TEX36: variants seen among roughly 807,000 people sequenced by gnomAD.
TEX36 encodes the protein testis-expressed protein 36.
TEX36 carries 12 observed loss-of-function variants against 13.6 expected under a neutral mutation model. The observed-to-expected ratio is 0.88, with a 90% CI of 0.56 to 1.43. TEX36 has a LOEUF of 1.43. Ranked by LOEUF, TEX36 falls within the 40% of genes most tolerant of loss-of-function variation. The probability of loss-of-function intolerance (pLI) is 0.00; values close to 1 mark genes in which losing one functional copy is unlikely to be tolerated. For synonymous variants in TEX36, 93 were observed against 83.0 expected, an observed-to-expected ratio of 1.12 and a Z score of -0.65; for missense variants, 224 against 228.3, an observed-to-expected ratio of 0.98 and a Z score of 0.12.
intron 3 of TEX36, among the ~76,000 whole-genome samples, chr10:125,646,229 G>A (rs947278944): frequency 6.6e-6 from 1 of 152,198 alleles, no homozygotes; most frequent in Admixed American, 6.5e-5. Context: ...GGGAGGCTGA[G>A]CGGGGAGGAT....
chr10:125,582,839 G>A (rs1845899597), intron 3 of TEX36, among the ~76,000 whole-genome samples: 1 of 152,046 alleles, frequency 6.6e-6, no homozygotes, highest in Non-Finnish European at 1.5e-5. Flanking sequence ...TCAATATATA[G>A]CCAAATGGAC....
chr10:125,679,151 C>CA (rs1565193004), intron 1 of TEX36, among the ~76,000 whole-genome samples: 1 of 147,020 alleles, frequency 6.8e-6, no homozygotes, highest in East Asian at 2.1e-4. Context: ...CCCCCCGCCC[C>CA]CGCCAAGCTG....
intron 3 of TEX36, among the ~76,000 whole-genome samples, chr10:125,633,139 A>G (rs1273816951): frequency 6.6e-6 from 1 of 152,034 alleles, no homozygotes; most frequent in African/African-American, 2.4e-5. Flanking sequence ...AAAAAAAATT[A>G]TATGCATACT....
At chr10:125,585,789 C>G (rs1165360089) in intron 3 of TEX36, among the ~76,000 whole-genome samples, 3 of 152,232 alleles carry the variant, frequency 2.0e-5, no homozygotes, top group Non-Finnish European at 2.9e-5. Context: ...ATAGTTTTCT[C>G]CAGGCTTTTG....
chr10:125,675,330 C>T (rs1383956234), intron 1 of TEX36, among the ~76,000 whole-genome samples: 2 of 152,096 alleles, frequency 1.3e-5, no homozygotes, highest in Non-Finnish European at 2.9e-5. Flanking sequence ...CCCCTGGGAG[C>T]TCAGTTGTCT....
intron 3 of TEX36, among the ~76,000 whole-genome samples, chr10:125,634,512 T>C (rs887205594): frequency 7.2e-5 from 11 of 152,150 alleles, no homozygotes. Flanking sequence ...TCTTATCTTC[T>C]CTCCCTGTGA....
downstream of TEX36, among the ~76,000 whole-genome samples, chr10:125,655,456 AAG>A (rs1846923433): frequency 1.3e-5 from 2 of 152,202 alleles, no homozygotes; most frequent in African/African-American, 4.8e-5. Context: ...AATTAAAAAA[AAG>A]TTGTAGAATA....
rs543689469 is a variant in TEX36, at chr10:125,661,911, G to A, written c.118C>T (p.Gln40Ter). ...GCTTGCCGAGGCAAGTGTGGACTCT[G>A]GGGCTCTTTTGACGTAGCACTGGTG... ...SITSATSKEP[Q>*]SPHLPRQAEG... Residue 40 changes from glutamine to a stop codon, truncating the protein, a stop_gained, in exon 2 of 4, where the codon CAG becomes TAG. Coordinates refer to ENST00000368821, the MANE Select transcript of TEX36 (RefSeq NM_001128202.3). LOFTEE classifies it high-confidence loss of function. 28 of 1,552,284 alleles carry A rather than the reference G, an allele frequency of 1.8e-5. No individual in the cohort carries two copies. In the East Asian group the frequency reaches 5.1e-4, roughly 28 times the overall value.
intron 3 of TEX36, among the ~76,000 whole-genome samples, chr10:125,632,202 G>A (rs1005106555): frequency 5.3e-5 from 8 of 152,084 alleles, no homozygotes; most frequent in South Asian, 2.1e-4. Flanking sequence ...GGACTCTGAC[G>A]AGGAGAAGAG....
chr10:125,666,918 G>A (rs936961064), intron 1 of TEX36: 1 of 538,074 alleles, frequency 1.9e-6, no homozygotes. Context: ...TCTAGCAGCA[G>A]CCCCAGTCTC....
chr10:125,682,017 A>C (rs188529315), intron 1 of TEX36, among the ~76,000 whole-genome samples: 59 of 152,286 alleles, frequency 3.9e-4, no homozygotes, highest in Admixed American at 3.9e-3. Flanking sequence ...AAATTTTAAC[A>C]ATTTTTTACC....
chr10:125,602,111 T>C (rs965979143), intron 3 of TEX36, among the ~76,000 whole-genome samples: 1 of 152,146 alleles, frequency 6.6e-6, no homozygotes, highest in African/African-American at 2.4e-5. Context: ...CCCCTCTCTG[T>C]GCCTCAGCTT....
At chr10:125,636,371 A>AT (rs1846623854) in intron 3 of TEX36, among the ~76,000 whole-genome samples, 1 of 142,984 alleles carries the variant, frequency 7.0e-6, no homozygotes, top group East Asian at 2.0e-4. Context: ...ACACCCGGCT[A>AT]ATTTTTTTTT....
At chr10:125,676,322 T>C (rs1355658426) in intron 1 of TEX36, among the ~76,000 whole-genome samples, 1 of 152,256 alleles carries the variant, frequency 6.6e-6, no homozygotes, top group Non-Finnish European at 1.5e-5. Context: ...TTTAGAACTG[T>C]TATATCCTCT....
At chr10:125,659,222 T>G (rs1487934334) in intron 3 of TEX36, among the ~76,000 whole-genome samples, 6 of 152,208 alleles carry the variant, frequency 3.9e-5, no homozygotes, top group Admixed American at 3.9e-4. Flanking sequence ...ATCCAAATGT[T>G]ATATAAGCTA....
In TEX36 at chr10:125,576,753, A is replaced by G. The variant is rs1373085323; in HGVS notation, c.386T>C (p.Val129Ala). The G allele has an allele frequency of 2.6e-6, 4 of 1,535,002 alleles. No individual in the cohort carries two copies. The African/African-American group carries it at 5.5e-5, about 21-fold the overall frequency. ...AGAAACTTGCTCCCAAAGAGCTCAC[A>G]CTGCAAGGAGGGGTGCATTAGTTCT... Residue 129 changes from valine to alanine, a missense_variant, in exon 4 of 4, where the codon GTG becomes GCG. By Grantham distance (64) the Val-to-Ala change is moderately conservative. Transcript: ENST00000532135.
intron 3 of TEX36, among the ~76,000 whole-genome samples, chr10:125,594,110 C>A: frequency 6.6e-6 from 1 of 152,262 alleles, no homozygotes; most frequent in African/African-American, 2.4e-5. Flanking sequence ...TAGAAGGACC[C>A]AGCTGCCATC....
chr10:125,602,442 T>G (rs546704360), intron 3 of TEX36, among the ~76,000 whole-genome samples: 1 of 152,196 alleles, frequency 6.6e-6, no homozygotes, highest in Non-Finnish European at 1.5e-5. Flanking sequence ...CAAGCCCCAC[T>G]GGGCACCTTC....
At chr10:125,674,777 C>T (rs1847287040) in intron 1 of TEX36, among the ~76,000 whole-genome samples, 1 of 152,250 alleles carries the variant, frequency 6.6e-6, no homozygotes, top group Non-Finnish European at 1.5e-5. Flanking sequence ...GGCTGCAGAA[C>T]AGCAAAGGTG....
Sources: gnomAD v4.1 joint callset for allele counts (sites outside exome capture counted in the v4.1 genomes callset) on GRCh38, gnomAD v4.1.1 for gene constraint, MANE v1.5 for transcripts, NCBI Gene and HGNC (gene_info 2026-07-23, HGNC 2026-07-21) for gene names.